The following NTM variants were observed in gnomAD, a reference collection of about 807,000 sequenced individuals.
NTM encodes the protein neurotrimin.
A neutral mutation model predicts 42.1 loss-of-function variants in NTM; 13 were observed. That is an observed-to-expected ratio of 0.31 (90% CI 0.20 to 0.49). The LOEUF is 0.49. Ranked by LOEUF, NTM falls within the 20% of genes least tolerant of loss-of-function variation. The pLI, the probability that NTM is intolerant of heterozygous loss-of-function variation, is 0.99. For missense variants in NTM, 373 were observed against 452.8 expected, an observed-to-expected ratio of 0.82 and a Z score of 1.60; for synonymous variants, 187 against 179.2, an observed-to-expected ratio of 1.04 and a Z score of -0.35.
At chr11:132,031,189 T>A (rs1462141161) in intron 2 of NTM, among the ~76,000 whole-genome samples, 3 of 152,234 alleles carry the variant, frequency 2.0e-5, no homozygotes, top group Non-Finnish European at 4.4e-5. Context: ...AGTTATTCAA[T>A]CTACCACACA....
intron 2 of NTM, among the ~76,000 whole-genome samples, chr11:131,997,186 C>T (rs2068215522): frequency 6.6e-6 from 1 of 152,126 alleles, no homozygotes; most frequent in African/African-American, 2.4e-5. Context: ...TGTTTGGGTT[C>T]TGTATGTAGG....
chr11:131,725,061 C>T (rs548446159), intron 1 of NTM, among the ~76,000 whole-genome samples: 9 of 152,056 alleles, frequency 5.9e-5, no homozygotes, highest in Non-Finnish European at 7.4e-5. Flanking sequence ...GAATTCTCAT[C>T]GTGATGCAAG....
Position 132,310,132 on chromosome 11 carries a change from G to C in NTM, c.682G>C (p.Ala228Pro). 1 of 1,605,106 alleles carries C rather than the reference G, an allele frequency of 6.2e-7. No individual in the cohort carries two copies. Among genetic ancestry groups the C allele is most frequent in the Non-Finnish European group, 8.5e-7 (1 of 1,177,118 alleles). ...TVNYPPYISEAKGTGVPVGQK... is the reference protein window; with the variant it reads ...TVNYPPYISEPKGTGVPVGQK... Reference sequence around the variant, plus strand: ...TGCAGATCCACCATACATTTCAGAAGCCAAGGGTACAGGTGTCCCCGTGGG... The same window carrying C: ...TGCAGATCCACCATACATTTCAGAACCCAAGGGTACAGGTGTCCCCGTGGG... Residue 228 changes from alanine (A) to proline (P), a missense_variant, in exon 6 of 9, where the codon GCC (alanine) becomes CCC (proline). Coordinates refer to ENST00000683400, the MANE Select transcript of NTM (RefSeq NM_001352005.2).
At chr11:131,450,563 G>A (rs184074120) in intron 1 of NTM, among the ~76,000 whole-genome samples, 28 of 152,270 alleles carry the variant, frequency 1.8e-4, no homozygotes, top group South Asian at 1.2e-3. Flanking sequence ...CCATGTGCAC[G>A]TAAACCCTGG....
intron 1 of NTM, among the ~76,000 whole-genome samples, chr11:131,834,608 GTATATATATACATATACATA>G (rs2043234288): frequency 1.1e-5 from 1 of 93,174 alleles, no homozygotes; most frequent in Admixed American, 1.3e-4. Flanking sequence ...AATAGTGTGT[GTATATATATACATATACATA>G]TATATATATA....
intron 4 of NTM, among the ~76,000 whole-genome samples, chr11:132,280,918 G>T (rs1017712654): frequency 6.6e-6 from 1 of 152,222 alleles, no homozygotes. Context: ...CCACAGGGCA[G>T]TCATTGGCTA....
chr11:132,147,175 TTGTGTGTGTGTGTG>T lies in NTM; in HGVS notation c.400+688_400+701del, dbSNP rs751528769. Among the ~76,000 whole-genome samples, 34 of 123,580 alleles carry T rather than the reference TTGTGTGTGTGTGTG, an allele frequency of 2.8e-4. No individual in the cohort carries two copies. The South Asian group carries it at 3.0e-3, about 11-fold the overall frequency. 81.1% of individuals were successfully genotyped at this position (123,580 alleles called of 152,430 possible). A position where few individuals can be genotyped will look rare whatever the true frequency, so the allele number is the denominator to read the frequency against. ...TCCTAGTTCATGAGGCCTTGTATGT[TTGTGTGTGTGTGTG>T]TGTGTGTGTGTGTGTGTGTGTGTGT... is the stretch of plus-strand genomic sequence containing the variant. On this transcript the variant is annotated intron_variant, in intron 3 of 8. Coordinates refer to ENST00000683400, the MANE Select transcript of NTM (RefSeq NM_001352005.2).
intron 1 of NTM, among the ~76,000 whole-genome samples, chr11:131,873,812 C>G (rs11222827): frequency 0.32 from 44,602 of 139,454 alleles, 8,328 homozygotes; most frequent in East Asian, 0.42. Flanking sequence ...TCCCCTTGCC[C>G]CCATCCCCCA....
At chr11:131,873,564 TATATATATACATATATATATACC>T (rs1469684197) in intron 1 of NTM, among the ~76,000 whole-genome samples, 580 of 50,646 alleles carry the variant, frequency 0.011, 31 homozygotes, top group East Asian at 0.084. Flanking sequence ...ATATATACCG[TATATATATACATATATATATACC>T]GTATATATAT....
At chr11:131,911,239 C>T in intron 1 of NTM, 2 of 1,404,136 alleles carry the variant, frequency 1.4e-6, no homozygotes, top group Non-Finnish European at 1.9e-6. Flanking sequence ...GAGGAGGGAG[C>T]CCCCTTTGGC....
chr11:132,084,536 A>G lies in NTM; in HGVS notation c.168-61746A>G, dbSNP rs1474449379. ...CCAAAAGAGAGAGTTCAAGAAAGACAACCTTGAAGCTGAAATTTGATTTTG... is the reference window on the plus strand; with the variant it reads ...CCAAAAGAGAGAGTTCAAGAAAGACGACCTTGAAGCTGAAATTTGATTTTG... On this transcript the variant is annotated intron_variant, in intron 2 of 8. Transcript: ENST00000683400. Among the ~76,000 whole-genome samples the G allele has an allele frequency of 2.6e-5, 4 of 152,182 alleles. No individual in the cohort carries two copies. The East Asian group carries it at 7.7e-4, about 29-fold the overall frequency.
At chr11:131,899,205 G>C (rs770489036) in intron 1 of NTM, among the ~76,000 whole-genome samples, 2 of 152,082 alleles carry the variant, frequency 1.3e-5, no homozygotes, top group Admixed American at 6.5e-5. Context: ...AGAGGAGCAG[G>C]GGTCCCCAGC....
At position 131,561,521 on chromosome 11, in the gene NTM, T is replaced by C. The variant is rs189724789; in HGVS notation, c.82+190633T>C. On this transcript the variant is annotated intron_variant, in intron 1 of 8. Coordinates refer to ENST00000683400, the MANE Select transcript of NTM (RefSeq NM_001352005.2). ...AGTGGGTGGACTCTTGAGACACTCA[T>C]TGTGGCCAAACCCAACCAAGGCAAA... 2.8e-3 allele frequency among the ~76,000 whole-genome samples: 419 copies of C among 152,316 alleles called. 5 individuals carry two copies. The highest frequency in any genetic ancestry group is 0.022 in the East Asian group (112 of 5,184).
chr11:132,079,412 A>C (rs1284864106), intron 2 of NTM, among the ~76,000 whole-genome samples: 1 of 152,152 alleles, frequency 6.6e-6, no homozygotes, highest in African/African-American at 2.4e-5. Flanking sequence ...GCGCCCGAAG[A>C]AAGTTCTTTA....
intron 1 of NTM, among the ~76,000 whole-genome samples, chr11:131,791,790 G>A (rs2090977017): frequency 6.6e-6 from 1 of 152,230 alleles, no homozygotes; most frequent in South Asian, 2.1e-4. Context: ...AGAAGACGAA[G>A]TGTTACCAAA....
intron 2 of NTM, among the ~76,000 whole-genome samples, chr11:132,038,400 C>T (rs766033660): frequency 2.2e-4 from 34 of 152,134 alleles, no homozygotes; most frequent in Non-Finnish European, 4.3e-4. Context: ...TTTGGTTCCT[C>T]GGCTTGCAAT....
chr11:132,144,037 G>T (rs1299330730), intron 2 of NTM, among the ~76,000 whole-genome samples: 2 of 152,186 alleles, frequency 1.3e-5, no homozygotes. Flanking sequence ...TTAAAATGCA[G>T]ATTCAAATTT....
chr11:132,273,320 T>G (rs1451560965), intron 4 of NTM, among the ~76,000 whole-genome samples: 3 of 144,488 alleles, frequency 2.1e-5, no homozygotes, highest in East Asian at 2.0e-4. Flanking sequence ...TTTTTTTTTT[T>G]TTTTTTTTTT....
At chr11:132,056,220 T>C (rs890165509) in intron 2 of NTM, among the ~76,000 whole-genome samples, 2 of 152,112 alleles carry the variant, frequency 1.3e-5, no homozygotes, top group Admixed American at 6.5e-5. Context: ...ATTCCAAACT[T>C]TGATGATTTA....
Sources: gnomAD v4.1 joint callset for allele counts (sites outside exome capture counted in the v4.1 genomes callset) on GRCh38, gnomAD v4.1.1 for gene constraint, MANE v1.5 for transcripts, NCBI Gene and HGNC (gene_info 2026-07-23, HGNC 2026-07-21) for gene names.